UNC5D: variants seen among roughly 807,000 people sequenced by gnomAD.
UNC5D encodes netrin receptor UNC5D.
Under a neutral mutation model 105.4 loss-of-function variants are expected in UNC5D, and 39 were observed. That is an observed-to-expected ratio of 0.37 (90% CI 0.29 to 0.48). The LOEUF (loss-of-function observed/expected upper bound fraction) is 0.48. Among genes scored for constraint, UNC5D ranks in the 20% least tolerant of loss-of-function variants. The pLI, the probability that UNC5D is intolerant of heterozygous loss-of-function variation, is 0.98. For missense variants in UNC5D, 991 were observed against 1,202.4 expected (o/e 0.82, Z 2.60); for synonymous variants, 452 against 450.4 (o/e 1.00, Z -0.04).
At chr8:35,459,969 G>C (rs1245391072) in intron 1 of UNC5D, among the ~76,000 whole-genome samples, 1 of 152,128 alleles carries the variant, frequency 6.6e-6, no homozygotes, top group African/African-American at 2.4e-5. Flanking sequence ...AACCTTGCCG[G>C]ATTCGGCTCC....
Position 35,793,002 on chromosome 8 carries a change from A to T in UNC5D, c.*2439A>T, listed in dbSNP as rs1479985821. 1 of 455,034 alleles carries T rather than the reference A, an allele frequency of 2.2e-6. No individual in the cohort carries two copies. Among genetic ancestry groups the T allele is most frequent in the South Asian group, 1.6e-5 (1 of 64,100 alleles). The allele number at this position is 455,034 out of a possible 1,614,324, so 28.2% of individuals were successfully genotyped here. On this transcript the variant is annotated 3_prime_UTR_variant, in exon 17 of 17. Transcript: ENST00000404895. The stretch of plus-strand genomic sequence containing the variant: ...TCCTTTGGCCTGGGTTTTATAAACA[A>T]CTTGAACATCATATCATATAGGATA...
At chr8:35,239,219 C>CT (rs1274195925) in intron 1 of UNC5D, among the ~76,000 whole-genome samples, 1 of 152,132 alleles carries the variant, frequency 6.6e-6, no homozygotes, top group Non-Finnish European at 1.5e-5. Flanking sequence ...GTCTGTGGTT[C>CT]TTTAAGTAGT....
At chr8:35,476,866 C>T (rs1325126653) in intron 1 of UNC5D, among the ~76,000 whole-genome samples, 5 of 152,300 alleles carry the variant, frequency 3.3e-5, no homozygotes, top group South Asian at 4.1e-4. Context: ...AGGGCTTGGA[C>T]GTTGTACTGT....
intron 1 of UNC5D, among the ~76,000 whole-genome samples, chr8:35,378,420 T>C (rs1802830476): frequency 6.6e-6 from 1 of 152,158 alleles, no homozygotes; most frequent in South Asian, 2.1e-4. Flanking sequence ...CCGTGACATC[T>C]ATCAGGACAC....
intron 16 of UNC5D, among the ~76,000 whole-genome samples, chr8:35,775,818 A>G (rs1019480035): frequency 2.6e-5 from 4 of 152,198 alleles, no homozygotes; most frequent in Non-Finnish European, 5.9e-5. Flanking sequence ...GAAATCAGTC[A>G]GGCTCAGAGA....
At chr8:35,328,507 C>A (rs541643861) in intron 1 of UNC5D, among the ~76,000 whole-genome samples, 4 of 152,158 alleles carry the variant, frequency 2.6e-5, no homozygotes, top group African/African-American at 9.7e-5. Context: ...GTTCCCATCA[C>A]GGCATAGGCT....
intron 11 of UNC5D, among the ~76,000 whole-genome samples, chr8:35,736,414 C>G (rs545524907): frequency 2.6e-5 from 4 of 152,212 alleles, no homozygotes; most frequent in South Asian, 4.1e-4. Context: ...CCAAATTACA[C>G]TCTTTTAATA....
chr8:35,620,388 C>T (rs1821292825), intron 4 of UNC5D, among the ~76,000 whole-genome samples: 1 of 152,178 alleles, frequency 6.6e-6, no homozygotes, highest in South Asian at 2.1e-4. Flanking sequence ...GGACCAGGAT[C>T]TTTTCATCCG....
chr8:35,265,856 C>G (rs557719198), intron 1 of UNC5D, among the ~76,000 whole-genome samples: 1 of 139,224 alleles, frequency 7.2e-6, no homozygotes, highest in African/African-American at 2.7e-5. Context: ...AGCGACAGAG[C>G]GAGACTCGTC....
In UNC5D at chr8:35,549,391, G is replaced by A. The variant is rs1473901034; in HGVS notation, c.203G>A (p.Ser68Asn). The change falls in exon 2 of 17, where the codon AGC becomes AAC. Residue 68 changes from serine to asparagine, a missense_variant. Ser to Asn is a conservative substitution (Grantham distance 46). Transcript: ENST00000404895. ...CCAGATGATGCTTATATTATCAAGA[G>A]CAACCCTATTGCACTCAGGTGCAAA... ...EEPDDAYIIK[S>N]NPIALRCKAR... 2 of 1,613,480 alleles carry A rather than the reference G, an allele frequency of 1.2e-6. No homozygotes were observed. Among genetic ancestry groups the A allele is most frequent in the Non-Finnish European group, 8.5e-7 (1 of 1,180,036 alleles).
rs79120072 is a variant in UNC5D, at chr8:35,437,302, A to G, written c.104-111990A>G. On this transcript the variant is annotated intron_variant, in intron 1 of 16. Coordinates refer to ENST00000404895, the MANE Select transcript of UNC5D (RefSeq NM_080872.4). ...ATATTATTGACTTCTTGATTTTTCA[A>G]TGTGTTACATTTCCTCTCCAGCATG... Among the ~76,000 whole-genome samples, 1,259 of 152,176 alleles carry G rather than the reference A, an allele frequency of 8.3e-3. 4 individuals carry two copies. Among genetic ancestry groups the G allele is most frequent in the Non-Finnish European group, 0.013 (861 of 67,992 alleles).
intron 1 of UNC5D, among the ~76,000 whole-genome samples, chr8:35,524,640 C>CT (rs1813720072): frequency 1.4e-5 from 1 of 71,132 alleles, no homozygotes; most frequent in Non-Finnish European, 2.9e-5. Flanking sequence ...ATGCCCTGTG[C>CT]AAAAAAAAAA....
At chr8:35,653,093 C>T (rs1296150401) in intron 4 of UNC5D, among the ~76,000 whole-genome samples, 2 of 151,810 alleles carry the variant, frequency 1.3e-5, no homozygotes, top group Non-Finnish European at 2.9e-5. Flanking sequence ...CCACACCTGG[C>T]TAGTTTTTGT....
intron 1 of UNC5D, among the ~76,000 whole-genome samples, chr8:35,507,260 T>C (rs999385248): frequency 1.3e-5 from 2 of 151,854 alleles, no homozygotes; most frequent in African/African-American, 2.4e-5. Context: ...TTTCACCGTT[T>C]TAGCCAGGAT....
At chr8:35,684,518 C>A (rs1825881093) in intron 5 of UNC5D, 64 bp from the exon 6 acceptor site, 2 of 1,567,542 alleles carry the variant, frequency 1.3e-6, no homozygotes, top group South Asian at 1.2e-5. Context: ...GTGGCTTGCA[C>A]ATAGTAGGCA....
chr8:35,706,046 T>G, intron 8 of UNC5D, 85 bp downstream of exon 8: 1 of 910,552 alleles, frequency 1.1e-6, no homozygotes, highest in Non-Finnish European at 1.6e-6. Context: ...TGAGCAGAAT[T>G]GAAGTTCCTA....
At chr8:35,717,341 G>A (rs1024434038) in intron 8 of UNC5D, among the ~76,000 whole-genome samples, 1 of 152,108 alleles carries the variant, frequency 6.6e-6, no homozygotes, top group Non-Finnish European at 1.5e-5. Flanking sequence ...TAAGTGGCTG[G>A]CATTAGTACA....
At chr8:35,474,724 C>G (rs1225688867) in intron 1 of UNC5D, among the ~76,000 whole-genome samples, 1 of 152,188 alleles carries the variant, frequency 6.6e-6, no homozygotes, top group Non-Finnish European at 1.5e-5. Context: ...CTGCTTAGAA[C>G]TGTATGTGAG....
intron 1 of UNC5D, among the ~76,000 whole-genome samples, chr8:35,384,984 G>A (rs1486834645): frequency 1.3e-5 from 2 of 152,156 alleles, no homozygotes; most frequent in Admixed American, 6.5e-5. Context: ...ATCAGGTCTA[G>A]GTCCTTCATA....
Sources: allele counts gnomAD v4.1 joint callset (sites outside exome capture counted in the v4.1 genomes callset), GRCh38; gene constraint gnomAD v4.1.1; transcripts MANE v1.5; gene names NCBI Gene and HGNC (gene_info 2026-07-23, HGNC 2026-07-21).